Variants in R3HDM1 observed in about 807,000 individuals in gnomAD.
R3HDM1 encodes the protein R3H domain containing 1.
R3HDM1 carries 46 observed loss-of-function variants against 141.1 expected under a neutral mutation model. The observed-to-expected ratio is 0.33, with a 90% confidence interval of 0.26 to 0.42. The LOEUF (loss-of-function observed/expected upper bound fraction) is 0.42, where lower values mean the gene tolerates loss of function less well. R3HDM1 is among the 10% of genes least tolerant of loss of function. The pLI is 1.00. For synonymous variants in R3HDM1, 435 were observed against 472.9 expected (o/e 0.92, Z 1.04); for missense variants, 1,184 against 1,368.3 (o/e 0.87, Z 2.12).
chr2:135,532,137 C>T (rs1694984241), intron 1 of R3HDM1, among the ~76,000 whole-genome samples: 1 of 152,264 alleles, frequency 6.6e-6, no homozygotes, highest in Non-Finnish European at 1.5e-5. Flanking sequence ...CCCGGCCGCC[C>T]CACGGCCGCA....
intron 1 of R3HDM1, among the ~76,000 whole-genome samples, chr2:135,535,269 G>A (rs1014240259): frequency 2.6e-5 from 4 of 152,274 alleles, no homozygotes; most frequent in African/African-American, 9.6e-5. Flanking sequence ...CGGAGACCGA[G>A]GCAGGCAGAT....
At chr2:135,546,110 T>G (rs1698645352) in intron 1 of R3HDM1, among the ~76,000 whole-genome samples, 1 of 152,248 alleles carries the variant, frequency 6.6e-6, no homozygotes, top group East Asian at 1.9e-4. Flanking sequence ...TATTCTTTGC[T>G]TGAACTATTC....
chr2:135,553,799 T>G (rs1048244498), intron 1 of R3HDM1, among the ~76,000 whole-genome samples: 1 of 152,226 alleles, frequency 6.6e-6, no homozygotes, highest in Non-Finnish European at 1.5e-5. Context: ...CAAGCTATTC[T>G]CCTGCCTCAG....
chr2:135,627,867 T>C (rs1386581101), intron 7 of R3HDM1, among the ~76,000 whole-genome samples: 1 of 152,194 alleles, frequency 6.6e-6, no homozygotes, highest in Non-Finnish European at 1.5e-5. Context: ...TTTTCTTCTT[T>C]TTTTATTTGC....
intron 1 of R3HDM1, chr2:135,559,163 G>A (rs1701348499): frequency 1.8e-6 from 1 of 553,872 alleles, no homozygotes; most frequent in African/African-American, 2.0e-5. Context: ...CCAGGCTAGA[G>A]TGCAGTGGCA....
chr2:135,567,243 C>T (rs963414719), intron 1 of R3HDM1, among the ~76,000 whole-genome samples: 1 of 152,202 alleles, frequency 6.6e-6, no homozygotes, highest in African/African-American at 2.4e-5. Context: ...TCTCTTTATA[C>T]ATTTGGTCCA....
chr2:135,574,345 T>C (rs944101189), intron 1 of R3HDM1, among the ~76,000 whole-genome samples: 2 of 152,190 alleles, frequency 1.3e-5, no homozygotes, highest in African/African-American at 4.8e-5. Context: ...ATAAAAGAAA[T>C]AATTCTTCTA....
intron 1 of R3HDM1, among the ~76,000 whole-genome samples, chr2:135,551,437 G>A (rs1409593018): frequency 6.6e-6 from 1 of 152,044 alleles, no homozygotes; most frequent in Non-Finnish European, 1.5e-5. Context: ...ATGAAAAACT[G>A]CCAAGGTTAT....
chr2:135,696,325 G>T (rs1197483614), intron 21 of R3HDM1, among the ~76,000 whole-genome samples: 1 of 152,200 alleles, frequency 6.6e-6, no homozygotes, highest in Non-Finnish European at 1.5e-5. Flanking sequence ...GAGCCAGGAG[G>T]CTGGGAAGAG....
chr2:135,547,666 C>G (rs564392920), intron 1 of R3HDM1, among the ~76,000 whole-genome samples: 9 of 151,388 alleles, frequency 5.9e-5, no homozygotes, highest in African/African-American at 2.2e-4. Context: ...TTGTTTTTTA[C>G]ATTAATTTGT....
chr2:135,559,163 G>C, intron 1 of R3HDM1: 4 of 553,990 alleles, frequency 7.2e-6, no homozygotes, highest in Non-Finnish European at 9.2e-6. Flanking sequence ...CCAGGCTAGA[G>C]TGCAGTGGCA....
chr2:135,580,895 T>G (rs920054106), intron 1 of R3HDM1, among the ~76,000 whole-genome samples: 1 of 152,194 alleles, frequency 6.6e-6, no homozygotes, highest in Non-Finnish European at 1.5e-5. Flanking sequence ...TCTAATTCTT[T>G]GTCTTATTTC....
chr2:135,642,510 T>C (rs562254895), intron 15 of R3HDM1, among the ~76,000 whole-genome samples: 12 of 152,290 alleles, frequency 7.9e-5, no homozygotes, highest in African/African-American at 2.9e-4. Flanking sequence ...TTTCACTATG[T>C]AAATTGGTAA....
At chr2:135,607,891 C>G in intron 3 of R3HDM1, 1 of 981,950 alleles carries the variant, frequency 1.0e-6, no homozygotes, top group Non-Finnish European at 1.2e-6. Flanking sequence ...TGGGTATGGT[C>G]TTTGACCTCT....
At chr2:135,648,870 A>G (rs2064784411) in intron 16 of R3HDM1, among the ~76,000 whole-genome samples, 1 of 151,560 alleles carries the variant, frequency 6.6e-6, no homozygotes, top group Non-Finnish European at 1.5e-5. Flanking sequence ...ATTAATGGCC[A>G]GAGATTTTAA....
chr2:135,616,277 TCA>T, intron 4 of R3HDM1, 84 bp downstream of exon 4: 1 of 1,313,628 alleles, frequency 7.6e-7, no homozygotes, highest in Non-Finnish European at 1.1e-6. Context: ...AGCACTACAT[TCA>T]GTTTAGTTCT....
chr2:135,714,727 A>T (rs1469071447), intron 23 of R3HDM1, among the ~76,000 whole-genome samples: 2 of 151,032 alleles, frequency 1.3e-5, no homozygotes, highest in African/African-American at 4.9e-5. Flanking sequence ...AACAGTTCCA[A>T]AAAACACAGT....
intron 1 of R3HDM1, among the ~76,000 whole-genome samples, chr2:135,571,471 G>A (rs1033514620): frequency 8.0e-5 from 12 of 150,332 alleles, no homozygotes; most frequent in African/African-American, 9.8e-5. Flanking sequence ...GACTACATGC[G>A]CACACCACCA....
chr2:135,584,214 G>C (rs949453910), intron 1 of R3HDM1: 1 of 517,776 alleles, frequency 1.9e-6, no homozygotes, highest in Non-Finnish European at 2.5e-6. Context: ...TGTAATCCCA[G>C]CTACTCGGGA....
Sources: allele counts gnomAD v4.1 joint callset (sites outside exome capture counted in the v4.1 genomes callset), GRCh38; gene constraint gnomAD v4.1.1; transcripts MANE v1.5; gene names NCBI Gene and HGNC (gene_info 2026-07-23, HGNC 2026-07-21).